Variants in LRRIQ3 observed in about 807,000 individuals in gnomAD.
LRRIQ3 encodes the protein leucine rich repeats and IQ motif containing 3.
In LRRIQ3, 75 loss-of-function variants were observed where a neutral mutation model predicts 59.3. That is an observed-to-expected ratio of 1.26 (90% CI 1.05 to 1.53). LRRIQ3 has a LOEUF of 1.53. LRRIQ3 is among the 40% of genes most tolerant of loss of function. The probability of loss-of-function intolerance (pLI) is 0.00; values close to 1 mark genes in which losing one functional copy is unlikely to be tolerated. For synonymous variants in LRRIQ3, 250 were observed against 231.3 expected (o/e 1.08, Z -0.73); for missense variants, 831 against 710.0 (o/e 1.17, Z -1.94).
intron 6 of LRRIQ3, among the ~76,000 whole-genome samples, chr1:74,047,235 A>G (rs1228205971): frequency 1.3e-5 from 2 of 152,182 alleles, no homozygotes; most frequent in Non-Finnish European, 2.9e-5. Context: ...AATGTGGCAC[A>G]TATACACCAC....
At chr1:74,192,795 G>GTC (rs1650852285) in intron 1 of LRRIQ3, among the ~76,000 whole-genome samples, 1 of 151,976 alleles carries the variant, frequency 6.6e-6, no homozygotes, top group Non-Finnish European at 1.5e-5. Context: ...AGAATATAAC[G>GTC]TATGTGTCAG....
intron 4 of LRRIQ3, among the ~76,000 whole-genome samples, chr1:74,132,810 A>C (rs1284224593): frequency 2.0e-5 from 3 of 152,206 alleles, no homozygotes; most frequent in African/African-American, 4.8e-5. Context: ...ATGGGCAAGG[A>C]CTTCATGTCT....
chr1:74,027,898 T>G (rs1346771529), intron 7 of LRRIQ3, among the ~76,000 whole-genome samples: 1 of 151,796 alleles, frequency 6.6e-6, no homozygotes. Flanking sequence ...ATGTAACAAG[T>G]CAGAGTGAGG....
At chr1:74,114,623 C>T (rs1405864388) in intron 4 of LRRIQ3, among the ~76,000 whole-genome samples, 2 of 151,642 alleles carry the variant, frequency 1.3e-5, no homozygotes, top group Non-Finnish European at 2.9e-5. Context: ...GTAGTCCCAG[C>T]TACTCAGGAG....
At chr1:74,122,054 G>A (rs1212331938) in intron 4 of LRRIQ3, among the ~76,000 whole-genome samples, 2 of 152,002 alleles carry the variant, frequency 1.3e-5, no homozygotes, top group Non-Finnish European at 2.9e-5. Flanking sequence ...ACATGTGCAT[G>A]TGTCTTTATA....
chr1:74,027,073 G>A (rs1653537976), intron 7 of LRRIQ3, 104 bp from the exon 8 acceptor site: 1 of 727,516 alleles, frequency 1.4e-6, no homozygotes, highest in Non-Finnish European at 2.1e-6. Context: ...TTCGAAATAG[G>A]CATATACAAG....
intron 1 of LRRIQ3, among the ~76,000 whole-genome samples, chr1:74,186,091 T>C (rs1331402185): frequency 2.7e-5 from 4 of 149,296 alleles, no homozygotes; most frequent in Non-Finnish European, 4.4e-5. Context: ...TATAAATATA[T>C]ATAAATATTT....
intron 5 of LRRIQ3, among the ~76,000 whole-genome samples, chr1:74,092,373 T>C (rs1403696892): frequency 6.6e-6 from 1 of 152,120 alleles, no homozygotes; most frequent in African/African-American, 2.4e-5. Context: ...GATAGCAATA[T>C]GGTAGCTGGA....
At chr1:74,185,369 T>A (rs575913105) in intron 1 of LRRIQ3, among the ~76,000 whole-genome samples, 5 of 152,320 alleles carry the variant, frequency 3.3e-5, no homozygotes, top group African/African-American at 1.2e-4. Context: ...CTCATTGCTT[T>A]AATTTGCAAT....
At chr1:74,134,808 A>T (rs923441519) in intron 4 of LRRIQ3, among the ~76,000 whole-genome samples, 7 of 151,934 alleles carry the variant, frequency 4.6e-5, no homozygotes, top group Non-Finnish European at 1.0e-4. Flanking sequence ...CCTGTTTAAT[A>T]TAAAAGAATG....
intron 7 of LRRIQ3, among the ~76,000 whole-genome samples, chr1:74,033,038 T>C (rs936796406): frequency 6.6e-6 from 1 of 152,038 alleles, no homozygotes; most frequent in Non-Finnish European, 1.5e-5. Context: ...AATTATCTTG[T>C]TGAGAAGGAG....
chr1:74,182,468 A>G (rs1650038771), intron 3 of LRRIQ3, 70 bp downstream of exon 3: 1 of 899,710 alleles, frequency 1.1e-6, no homozygotes, highest in African/African-American at 1.7e-5. Context: ...TAATTTAGAT[A>G]TAGAACTCAG....
intron 4 of LRRIQ3, among the ~76,000 whole-genome samples, chr1:74,126,375 C>T (rs568639564): frequency 4.6e-5 from 7 of 151,638 alleles, no homozygotes; most frequent in South Asian, 4.2e-4. Context: ...ATCTTTATTA[C>T]GATCTTGTCT....
intron 6 of LRRIQ3, among the ~76,000 whole-genome samples, chr1:74,070,919 C>T (rs1020286504): frequency 6.6e-6 from 1 of 151,138 alleles, no homozygotes; most frequent in South Asian, 2.1e-4. Flanking sequence ...GAGAAAGACA[C>T]CTTACCTATT....
At chr1:74,112,867 T>C (rs1260307832) in intron 4 of LRRIQ3, among the ~76,000 whole-genome samples, 3 of 152,072 alleles carry the variant, frequency 2.0e-5, no homozygotes, top group Admixed American at 6.6e-5. Flanking sequence ...CCCGGATTGT[T>C]ACGATACATT....
At chr1:74,052,182 G>A (rs1402895745) in intron 6 of LRRIQ3, among the ~76,000 whole-genome samples, 1 of 151,946 alleles carries the variant, frequency 6.6e-6, no homozygotes, top group Non-Finnish European at 1.5e-5. Context: ...CACCAGGACC[G>A]CGCTGACTAC....
chr1:74,193,199 T>C (rs1178898243), intron 1 of LRRIQ3, among the ~76,000 whole-genome samples: 3 of 152,194 alleles, frequency 2.0e-5, no homozygotes, highest in South Asian at 4.1e-4. Flanking sequence ...GAAATGTATA[T>C]ACACATTTGT....
At chr1:74,068,829 TA>T (rs542374561) in intron 6 of LRRIQ3, among the ~76,000 whole-genome samples, 145 of 142,306 alleles carry the variant, frequency 1.0e-3, no homozygotes, top group Admixed American at 1.4e-3. Flanking sequence ...AGGAGAATGG[TA>T]AAAAAAAAAA....
chr1:74,059,269 A>C (rs1654630790), intron 6 of LRRIQ3, among the ~76,000 whole-genome samples: 1 of 150,292 alleles, frequency 6.7e-6, no homozygotes, highest in Non-Finnish European at 1.5e-5. Context: ...TTTTCTTATT[A>C]TTTTTGGCTT....
Sources: allele counts gnomAD v4.1 joint callset (sites outside exome capture counted in the v4.1 genomes callset), GRCh38; gene constraint gnomAD v4.1.1; transcripts MANE v1.5; gene names NCBI Gene and HGNC (gene_info 2026-07-23, HGNC 2026-07-21).